Variants in TMC1 observed in about 807,000 individuals in gnomAD.
TMC1 encodes the protein transmembrane channel like 1.
Under a neutral mutation model 105.8 loss-of-function variants are expected in TMC1, and 84 were observed. The ratio of observed to expected loss-of-function variants is 0.79; its 90% CI spans 0.67 to 0.95. The LOEUF (loss-of-function observed/expected upper bound fraction) is 0.95, where lower values mean the gene tolerates loss of function less well. Among genes scored for constraint, TMC1 ranks in the 40% least tolerant of loss-of-function variants. TMC1 has a pLI of 0.00. For missense variants in TMC1, 817 were observed against 914.1 expected (o/e 0.89, Z 1.37); for synonymous variants, 315 against 311.5 (o/e 1.01, Z -0.12).
At chr9:72,676,393 T>A (rs1322546659) in intron 5 of TMC1, among the ~76,000 whole-genome samples, 2 of 152,198 alleles carry the variant, frequency 1.3e-5, no homozygotes, top group African/African-American at 4.8e-5. Flanking sequence ...TGTTGGTATG[T>A]GTCAAAGCAT....
intron 1 of TMC1, among the ~76,000 whole-genome samples, chr9:72,553,850 C>T (rs1318675479): frequency 2.0e-5 from 3 of 152,196 alleles, no homozygotes; most frequent in Non-Finnish European, 4.4e-5. Flanking sequence ...TTTATCCTTT[C>T]CAGGCATTTT....
At chr9:72,656,015 T>G in intron 5 of TMC1, 1 of 760,356 alleles carries the variant, frequency 1.3e-6, no homozygotes, top group Non-Finnish European at 2.4e-6. Flanking sequence ...ATTCTCAAAG[T>G]CTTAGTAGGC....
chr9:72,694,939 G>A (rs1454976303), intron 7 of TMC1, among the ~76,000 whole-genome samples: 2 of 152,056 alleles, frequency 1.3e-5, no homozygotes, highest in Non-Finnish European at 2.9e-5. Flanking sequence ...CTCTTATGAA[G>A]GATCTGAATT....
chr9:72,831,152 T>C (rs907896003), intron 23 of TMC1, among the ~76,000 whole-genome samples: 1 of 152,188 alleles, frequency 6.6e-6, no homozygotes, highest in Non-Finnish European at 1.5e-5. Flanking sequence ...TAAAAACCTC[T>C]TTATTTTTTA....
intron 1 of TMC1, among the ~76,000 whole-genome samples, chr9:72,562,008 TAA>T (rs11367909): frequency 4.8e-4 from 69 of 144,526 alleles, no homozygotes; most frequent in Admixed American, 4.8e-4. Flanking sequence ...ATCCTATCTC[TAA>T]AAAAAAAAAA....
intron 18 of TMC1, among the ~76,000 whole-genome samples, chr9:72,814,495 A>G (rs1464254965): frequency 6.6e-6 from 1 of 152,184 alleles, no homozygotes; most frequent in East Asian, 1.9e-4. Flanking sequence ...AACTAACGAA[A>G]CACTTTGTAG....
chr9:72,809,205 GA>G (rs1366344758), intron 18 of TMC1: 4 of 152,222 alleles, frequency 2.6e-5, no homozygotes, highest in Non-Finnish European at 5.9e-5. Context: ...TTAAGTGGCA[GA>G]AAATCTGAGT....
intron 1 of TMC1, among the ~76,000 whole-genome samples, chr9:72,555,787 A>T (rs1398725338): frequency 2.6e-5 from 4 of 151,076 alleles, no homozygotes; most frequent in Admixed American, 6.6e-5. Context: ...CGCCTGGCTA[A>T]TTTTTTTGTA....
At chr9:72,713,957 G>A (rs988807010) in intron 8 of TMC1, among the ~76,000 whole-genome samples, 1 of 151,878 alleles carries the variant, frequency 6.6e-6, no homozygotes, top group Non-Finnish European at 1.5e-5. Context: ...CAGAGATTCT[G>A]GTACATTGTT....
chr9:72,546,956 C>T (rs1326667903), intron 1 of TMC1, among the ~76,000 whole-genome samples: 1 of 152,140 alleles, frequency 6.6e-6, no homozygotes, highest in Admixed American at 6.5e-5. Flanking sequence ...GTTATACTTA[C>T]AATCTTCAGC....
intron 8 of TMC1, among the ~76,000 whole-genome samples, chr9:72,721,740 T>C (rs1360311642): frequency 6.6e-6 from 1 of 152,202 alleles, no homozygotes; most frequent in Non-Finnish European, 1.5e-5. Flanking sequence ...TTATCTATGC[T>C]GAACATTTCT....
chr9:72,832,839 C>G (rs1043371425), intron 23 of TMC1, among the ~76,000 whole-genome samples: 13 of 151,922 alleles, frequency 8.6e-5, no homozygotes, highest in Admixed American at 7.2e-4. Flanking sequence ...ATTTAGAGTT[C>G]CATTTAGAAT....
rs114654606 is a variant in TMC1 at position 72,608,260 on chromosome 9, C to T, written c.-305-8108C>T. Among the ~76,000 whole-genome samples, 314 of 152,292 alleles carry T rather than the reference C, an allele frequency of 2.1e-3. 1 individual carries two copies. The highest frequency in any genetic ancestry group is 7.0e-3 in the African/African-American group (293 of 41,562). Reference sequence around the variant, plus strand: ...TCATCGGCCTGAGTTCACTCATGTTCGTATTCTTCAACAAATTATCATGTC... The same window carrying T: ...TCATCGGCCTGAGTTCACTCATGTTTGTATTCTTCAACAAATTATCATGTC... On this transcript the variant is annotated intron_variant, in intron 2 of 23. Transcript: ENST00000297784.
Position 72,836,613 on chromosome 9 carries a change from A to T in TMC1, c.*640A>T, listed in dbSNP as rs1213838947. 2.6e-5 allele frequency: 4 copies of T among 152,824 alleles called. No homozygotes were observed. Among genetic ancestry groups the T allele is most frequent in the African/African-American group, 9.7e-5 (4 of 41,402 alleles). The allele number at this position is 152,824 out of a possible 1,614,324, so 9.5% of individuals were successfully genotyped here. ...AAATCCTATATGAATTGGGGCCTGG[A>T]TAGCACTGAGTTGAAGATCTTGAAG... On this transcript the variant is annotated 3_prime_UTR_variant, in exon 24 of 24. Coordinates refer to ENST00000297784, the MANE Select transcript of TMC1 (RefSeq NM_138691.3).
chr9:72,694,385 A>G, intron 6 of TMC1, 158 bp from the exon 7 acceptor site: 1 of 631,180 alleles, frequency 1.6e-6, no homozygotes, highest in Non-Finnish European at 2.8e-6. Flanking sequence ...ATGATGGGCT[A>G]TGAAATATGT....
intron 1 of TMC1, among the ~76,000 whole-genome samples, chr9:72,542,044 C>T (rs1466136956): frequency 6.6e-6 from 1 of 152,140 alleles, no homozygotes; most frequent in Admixed American, 6.6e-5. Context: ...ACCTAAGAGG[C>T]CGGGCGTGGT....
intron 6 of TMC1, among the ~76,000 whole-genome samples, chr9:72,690,312 A>G (rs1239811441): frequency 6.6e-6 from 1 of 152,086 alleles, no homozygotes; most frequent in African/African-American, 2.4e-5. Flanking sequence ...ACGTATTTTT[A>G]TAGTTACTGT....
In TMC1 at chr9:72,643,006, C is replaced by G. The variant is rs553700495; in HGVS notation, c.-52-5591C>G. On this transcript the variant is annotated intron_variant, in intron 4 of 23. Transcript: ENST00000297784. Reference sequence around the variant, plus strand: ...CACTACTGTATGTAGCCTTTTGAGACAGGCTTCTTTCACTGAGCACAAATA... The same window carrying G: ...CACTACTGTATGTAGCCTTTTGAGAGAGGCTTCTTTCACTGAGCACAAATA... 2.0e-5 allele frequency among the ~76,000 whole-genome samples: 3 copies of G among 152,288 alleles called. No homozygotes were observed. In the South Asian group the frequency reaches 6.2e-4, roughly 32 times the overall value.
In TMC1 at chr9:72,546,065, C is replaced by T. The variant is rs185232121; in HGVS notation, c.-428+24152C>T. Among the ~76,000 whole-genome samples the T allele has an allele frequency of 4.3e-3, 649 of 151,586 alleles. 5 individuals are homozygous for T. Among genetic ancestry groups the T allele is most frequent in the African/African-American group, 0.015 (622 of 41,360 alleles). On this transcript the variant is annotated intron_variant, in intron 1 of 23. Coordinates refer to ENST00000297784, the MANE Select transcript of TMC1 (RefSeq NM_138691.3). The stretch of plus-strand genomic sequence containing the variant: ...TGGGAGGCCGAGGTGGATGGATCAC[C>T]TGAGGTCAGGAGTTCAAGACCAGCA...
Sources: gnomAD v4.1 joint callset for allele counts (sites outside exome capture counted in the v4.1 genomes callset) on GRCh38, gnomAD v4.1.1 for gene constraint, MANE v1.5 for transcripts, NCBI Gene and HGNC (gene_info 2026-07-23, HGNC 2026-07-21) for gene names.